The following MTHFD1L variants were observed in gnomAD, a reference collection of about 807,000 sequenced individuals.
The protein encoded by MTHFD1L is monofunctional C1-tetrahydrofolate synthase, mitochondrial.
A neutral mutation model predicts 119.5 loss-of-function variants in MTHFD1L; 81 were observed. The observed-to-expected ratio is 0.68, with a 90% confidence interval of 0.57 to 0.82. The LOEUF (loss-of-function observed/expected upper bound fraction) is 0.82. Ranked by LOEUF, MTHFD1L falls within the 40% of genes least tolerant of loss-of-function variation. The probability of loss-of-function intolerance (pLI) is 0.00; values close to 1 mark genes in which losing one functional copy is unlikely to be tolerated. For synonymous variants in MTHFD1L, 430 were observed against 475.2 expected, an observed-to-expected ratio of 0.90 and a Z score of 1.24; for missense variants, 1,125 against 1,253.4, an observed-to-expected ratio of 0.90 and a Z score of 1.55.
In MTHFD1L at chr6:151,030,123, A is replaced by G. The variant is rs1328422260; in HGVS notation, c.2587-4370A>G. ...ACGTGCTTGCGTTTTACACTGACTCAACGTGTGCAGTACAGTGATGTATAG... is the reference window on the plus strand; with the variant it reads ...ACGTGCTTGCGTTTTACACTGACTCGACGTGTGCAGTACAGTGATGTATAG... On this transcript the variant is annotated intron_variant, in intron 24 of 27. Coordinates refer to ENST00000367321, the MANE Select transcript of MTHFD1L (RefSeq NM_015440.5). Among the ~76,000 whole-genome samples the G allele has an allele frequency of 2.0e-5, 3 of 152,236 alleles. 1 individual carries two copies. The highest frequency in any genetic ancestry group is 2.0e-4 in the Admixed American group (3 of 15,286).
chr6:151,030,927 T>A (rs1785257902), intron 24 of MTHFD1L, among the ~76,000 whole-genome samples: 1 of 152,200 alleles, frequency 6.6e-6, no homozygotes, highest in Non-Finnish European at 1.5e-5. Flanking sequence ...ACGCCTGTAA[T>A]CCCAGCAACC....
At chr6:150,976,969 G>A (rs970730233) in intron 20 of MTHFD1L, among the ~76,000 whole-genome samples, 14 of 152,160 alleles carry the variant, frequency 9.2e-5, no homozygotes, top group Non-Finnish European at 4.4e-5. Flanking sequence ...ATATATTTAA[G>A]TCCTTTGAAA....
chr6:150,987,838 G>A (rs575176299), intron 20 of MTHFD1L, among the ~76,000 whole-genome samples: 2 of 152,276 alleles, frequency 1.3e-5, no homozygotes, highest in East Asian at 1.9e-4. Flanking sequence ...GGCTTTTTAT[G>A]GTGAACACAG....
At chr6:150,931,565 T>C (rs542849669) in intron 11 of MTHFD1L, among the ~76,000 whole-genome samples, 1 of 152,154 alleles carries the variant, frequency 6.6e-6, no homozygotes, top group Non-Finnish European at 1.5e-5. Context: ...TATTGTTAGA[T>C]AATAAAAGGC....
At chr6:151,006,232 G>A (rs564987895) in intron 20 of MTHFD1L, among the ~76,000 whole-genome samples, 16 of 152,190 alleles carry the variant, frequency 1.1e-4, no homozygotes, top group African/African-American at 2.9e-4. Flanking sequence ...AACTTTGCCC[G>A]AAAGCATCAG....
intron 24 of MTHFD1L, among the ~76,000 whole-genome samples, chr6:151,020,990 A>G (rs1478216438): frequency 6.6e-6 from 1 of 152,186 alleles, no homozygotes; most frequent in Non-Finnish European, 1.5e-5. Context: ...TGGGAAGGTG[A>G]TGGACTTGTC....
In MTHFD1L at chr6:150,925,944, C is replaced by T. The variant is rs1032023633; in HGVS notation, c.1083-178C>T. 3.9e-5 allele frequency among the ~76,000 whole-genome samples: 6 copies of T among 152,238 alleles called. No individual in the cohort carries two copies. In the South Asian group the frequency reaches 8.3e-4, roughly 21 times the overall value. On this transcript the variant is annotated intron_variant, in intron 10 of 27. Coordinates refer to ENST00000367321, the MANE Select transcript of MTHFD1L (RefSeq NM_015440.5). Reference sequence around the variant, plus strand: ...TTGGAGTTGCATTTCTAAAATGATACACCATTTTCTCATACACGTTAATTA... The same window carrying T: ...TTGGAGTTGCATTTCTAAAATGATATACCATTTTCTCATACACGTTAATTA...
intron 1 of MTHFD1L, chr6:150,866,780 C>G (rs1170643260): frequency 2.3e-6 from 2 of 853,438 alleles, no homozygotes; most frequent in African/African-American, 1.8e-5. Flanking sequence ...ACTGGGAGCC[C>G]CGGGCCCGGC....
intron 8 of MTHFD1L, among the ~76,000 whole-genome samples, 160 bp from the exon 9 acceptor site, chr6:150,918,417 G>A (rs1341151764): frequency 1.3e-5 from 2 of 152,204 alleles, no homozygotes; most frequent in African/African-American, 2.4e-5. Context: ...AGGGCCCCAA[G>A]CCTGTGCCAG....
Position 150,956,015 on chromosome 6 carries a change from T to C in MTHFD1L, c.1747T>C (p.Phe583Leu). ...WQRVLDTNDRFLRKITIGQGN... is the reference protein window; with the variant it reads ...WQRVLDTNDRLLRKITIGQGN... Reference sequence around the variant, plus strand: ...TTCAGTATTGGATACAAATGACCGATTTCTACGAAAAATAACCATCGGGCA... The same window carrying C: ...TTCAGTATTGGATACAAATGACCGACTTCTACGAAAAATAACCATCGGGCA... Residue 583 changes from phenylalanine to leucine, a missense_variant, in exon 17 of 28, where the codon TTT becomes CTT. Physicochemically the swap from Phe to Leu is conservative, Grantham distance 22 (BLOSUM62 0). Coordinates refer to ENST00000367321, the MANE Select transcript of MTHFD1L (RefSeq NM_015440.5). 2 of 1,614,120 alleles carry C rather than the reference T, an allele frequency of 1.2e-6. No homozygotes were observed. The highest frequency in any genetic ancestry group is 1.7e-6 in the Non-Finnish European group (2 of 1,179,950).
At chr6:150,866,700 CT>C in intron 1 of MTHFD1L, 1 of 1,135,674 alleles carries the variant, frequency 8.8e-7, no homozygotes, top group South Asian at 4.4e-5. Flanking sequence ...TGGTTTCCAG[CT>C]TCGCCGCGCA....
At chr6:150,930,416 A>G (rs1317592777) in intron 11 of MTHFD1L, among the ~76,000 whole-genome samples, 1 of 152,244 alleles carries the variant, frequency 6.6e-6, no homozygotes, top group African/African-American at 2.4e-5. Context: ...CTTTAAAAAT[A>G]TAAATGACCC....
chr6:150,887,912 A>G lies in MTHFD1L; in HGVS notation c.711A>G (p.Gln237=), dbSNP rs756054910. The G allele has an allele frequency of 2.5e-6, 4 of 1,611,284 alleles. No homozygotes were observed. The highest frequency in any genetic ancestry group is 4.5e-5 in the East Asian group (2 of 44,816). ...ATGGGTCTTTGGAAGCTGCTCTACA[A>G]TGCCTGTTCCAGAGAAAAGGGTCCA... ...GAHGSLEAAL[Q]CLFQRKGSMT... is the part of the protein sequence containing the mutation. Residue 237 remains glutamine (Q), a synonymous_variant, in exon 7 of 28, where the codon CAA becomes CAG. Coordinates refer to ENST00000367321, the MANE Select transcript of MTHFD1L (RefSeq NM_015440.5).
chr6:151,072,715 G>A (rs574049867), intron 26 of MTHFD1L, among the ~76,000 whole-genome samples: 8 of 152,282 alleles, frequency 5.3e-5, no homozygotes, highest in Non-Finnish European at 1.0e-4. Context: ...CTTGAACCCA[G>A]GGGACAGAGG....
chr6:150,948,383 G>T (rs1794339921), intron 15 of MTHFD1L, among the ~76,000 whole-genome samples: 1 of 150,518 alleles, frequency 6.6e-6, no homozygotes, highest in Non-Finnish European at 1.5e-5. Context: ...GCAGTGGCAG[G>T]ATCTCAGCTC....
chr6:150,895,993 T>C (rs1000526441), intron 7 of MTHFD1L, among the ~76,000 whole-genome samples: 1 of 152,198 alleles, frequency 6.6e-6, no homozygotes, highest in Non-Finnish European at 1.5e-5. Flanking sequence ...TTCACACTTA[T>C]TCTGTTAGGC....
chr6:150,917,448 C>T (rs1397961221), intron 8 of MTHFD1L, among the ~76,000 whole-genome samples: 1 of 151,924 alleles, frequency 6.6e-6, no homozygotes, highest in East Asian at 1.9e-4. Flanking sequence ...TGAGATCGTG[C>T]CATTGCACTC....
rs138536516 is a variant in MTHFD1L at position 151,081,626 on chromosome 6, C to G, written c.2848-10841C>G. On this transcript the variant is annotated intron_variant, in intron 26 of 27. Transcript: ENST00000367321. ...GGCAGAGGTTGCAGTGAGCTGAGAT[C>G]TTGCCACTGCACCCCAGCCTGGGTG... Among the ~76,000 whole-genome samples, 231 of 152,024 alleles carry G rather than the reference C, an allele frequency of 1.5e-3. 2 individuals carry two copies. Among genetic ancestry groups the G allele is most frequent in the African/African-American group, 5.3e-3 (218 of 41,442 alleles).
chr6:150,956,994 GA>G (rs1313139961), intron 17 of MTHFD1L, among the ~76,000 whole-genome samples: 1 of 152,146 alleles, frequency 6.6e-6, no homozygotes, highest in Non-Finnish European at 1.5e-5. Context: ...AGATAGTTCT[GA>G]AAAATAGGAA....
Sources: gnomAD v4.1 joint callset for allele counts (sites outside exome capture counted in the v4.1 genomes callset) on GRCh38, gnomAD v4.1.1 for gene constraint, MANE v1.5 for transcripts, NCBI Gene and HGNC (gene_info 2026-07-23, HGNC 2026-07-21) for gene names.